The following ALX1 variants were observed in gnomAD, a reference collection of about 807,000 sequenced individuals.
The protein encoded by ALX1 is ALX homeobox 1.
Under a neutral mutation model 31.7 loss-of-function variants are expected in ALX1, and 19 were observed. That is an observed-to-expected ratio of 0.60 (90% CI 0.42 to 0.88). The LOEUF is 0.88. Among genes scored for constraint, ALX1 ranks in the 40% least tolerant of loss-of-function variants. The probability of loss-of-function intolerance (pLI) is 0.00; values close to 1 mark genes in which losing one functional copy is unlikely to be tolerated. For synonymous variants in ALX1, 153 were observed against 148.8 expected (o/e 1.03, Z -0.20); for missense variants, 415 against 407.8 (o/e 1.02, Z -0.15).
At chr12:85,286,581 A>T (rs1896749592) in intron 2 of ALX1, among the ~76,000 whole-genome samples, 1 of 151,886 alleles carries the variant, frequency 6.6e-6, no homozygotes, top group Non-Finnish European at 1.5e-5. Context: ...TGTTTTCCAT[A>T]AATGAGAAAA....
intron 1 of ALX1, 139 bp downstream of exon 1, chr12:85,280,626 G>T: frequency 1.0e-6 from 1 of 968,142 alleles, no homozygotes; most frequent in Admixed American, 2.1e-5. Flanking sequence ...GTAGTGGAAG[G>T]TGCTCGCTTT....
chr12:85,288,041 A>G (rs964318285), intron 3 of ALX1, among the ~76,000 whole-genome samples: 4 of 151,524 alleles, frequency 2.6e-5, no homozygotes, highest in African/African-American at 7.3e-5. Flanking sequence ...CTTAAAAACC[A>G]GTTTTAGAAA....
At chr12:85,294,057 A>G (rs1896853170) in intron 3 of ALX1, among the ~76,000 whole-genome samples, 1 of 151,256 alleles carries the variant, frequency 6.6e-6, no homozygotes, top group African/African-American at 2.4e-5. Context: ...GAGTAAAATC[A>G]ATAGCTTCAC....
intron 3 of ALX1, among the ~76,000 whole-genome samples, chr12:85,288,975 T>C (rs1279777515): frequency 6.6e-6 from 1 of 151,464 alleles, no homozygotes; most frequent in African/African-American, 2.4e-5. Flanking sequence ...ACTTTAGACG[T>C]AATAAAGTAA....
intron 1 of ALX1, among the ~76,000 whole-genome samples, chr12:85,282,473 A>T (rs1896688400): frequency 6.6e-6 from 1 of 152,162 alleles, no homozygotes; most frequent in South Asian, 2.1e-4. Context: ...TTAAACTTGA[A>T]TATATTTGTA....
chr12:85,293,359 T>C (rs1051365204), intron 3 of ALX1, among the ~76,000 whole-genome samples: 20 of 150,590 alleles, frequency 1.3e-4, no homozygotes, highest in Middle Eastern at 3.4e-3. Context: ...CTTTTCTTAA[T>C]TTTTATTTTG....
chr12:85,282,069 T>C (rs1174374847), intron 1 of ALX1, among the ~76,000 whole-genome samples: 1 of 152,158 alleles, frequency 6.6e-6, no homozygotes, highest in Non-Finnish European at 1.5e-5. Context: ...TGTCTTTCTC[T>C]TGAGATGCCC....
At chr12:85,283,996 G>A (rs926230997) in intron 2 of ALX1, 120 bp downstream of exon 2, 13 of 1,132,226 alleles carry the variant, frequency 1.1e-5, no homozygotes, top group Non-Finnish European at 1.4e-5. Flanking sequence ...GATGAGAAAC[G>A]GAGTAATATA....
intron 2 of ALX1, among the ~76,000 whole-genome samples, chr12:85,284,431 G>A (rs1896722866): frequency 6.6e-6 from 1 of 151,498 alleles, no homozygotes; most frequent in African/African-American, 2.4e-5. Flanking sequence ...ATCAAATAGT[G>A]CTCATTTACA....
At chr12:85,283,546 T>G (rs375148918) in intron 1 of ALX1, 26 bp from the exon 2 acceptor site, 52 of 1,611,802 alleles carry the variant, frequency 3.2e-5, no homozygotes, top group Admixed American at 2.3e-4. Flanking sequence ...TCCTGAGAAC[T>G]GTTGTTTTTC....
intron 3 of ALX1, among the ~76,000 whole-genome samples, chr12:85,296,225 A>G (rs2137391301): frequency 6.6e-6 from 1 of 151,706 alleles, no homozygotes; most frequent in Non-Finnish European, 1.5e-5. Context: ...TAAAAAATAA[A>G]TAATTTTCTA....
chr12:85,280,596 G>A (rs2137373190), intron 1 of ALX1, 109 bp downstream of exon 1: 1 of 1,223,420 alleles, frequency 8.2e-7, no homozygotes, highest in Non-Finnish European at 1.2e-6. Flanking sequence ...GGGAGCGAGG[G>A]ACCTGGAAGG....
At chr12:85,292,310 A>G (rs1565942402) in intron 3 of ALX1, among the ~76,000 whole-genome samples, 1 of 151,168 alleles carries the variant, frequency 6.6e-6, no homozygotes, top group African/African-American at 2.4e-5. Context: ...GTATATATTC[A>G]ATTCACCAGA....
intron 3 of ALX1, among the ~76,000 whole-genome samples, chr12:85,294,693 G>T (rs1187967736): frequency 6.6e-6 from 1 of 150,688 alleles, no homozygotes; most frequent in African/African-American, 2.4e-5. Flanking sequence ...TTTTAATTTT[G>T]CACTAAAAGT....
chr12:85,295,810 T>G (rs74111946), intron 3 of ALX1, among the ~76,000 whole-genome samples: 3 of 151,660 alleles, frequency 2.0e-5, no homozygotes, highest in African/African-American at 7.2e-5. Context: ...TATATATAGA[T>G]GAGAAGTAGA....
At chr12:85,287,786 A>G (rs1190466380) in intron 3 of ALX1, among the ~76,000 whole-genome samples, 1 of 151,264 alleles carries the variant, frequency 6.6e-6, no homozygotes, top group Non-Finnish European at 1.5e-5. Context: ...ATACATGATG[A>G]AAAAAAACCT....
chr12:85,285,334 G>T (rs1415191446), intron 2 of ALX1, among the ~76,000 whole-genome samples: 1 of 151,712 alleles, frequency 6.6e-6, no homozygotes, highest in Non-Finnish European at 1.5e-5. Flanking sequence ...TCATTTTAAG[G>T]AAATTGTCAA....
chr12:85,296,352 T>C (rs1490877093), intron 3 of ALX1, among the ~76,000 whole-genome samples: 1 of 151,654 alleles, frequency 6.6e-6, no homozygotes, highest in East Asian at 1.9e-4. Flanking sequence ...CCTTCCTCTC[T>C]ACTGCTTTTA....
Position 85,299,639 on chromosome 12 carries a change from A to G in ALX1, c.661-1516A>G, listed in dbSNP as rs148950669. 4.3e-3 allele frequency among the ~76,000 whole-genome samples: 653 copies of G among 151,950 alleles called. 7 individuals carry two copies. The highest frequency in any genetic ancestry group is 0.015 in the African/African-American group (621 of 41,510). On this transcript the variant is annotated intron_variant, in intron 3 of 3. Coordinates refer to ENST00000316824, the MANE Select transcript of ALX1 (RefSeq NM_006982.3). ...TCACTGAAACCCCACCTAAAGGTTG[A>G]AATTACTTATTAAGGTTTTTCTCTT...
Sources: allele counts gnomAD v4.1 joint callset (sites outside exome capture counted in the v4.1 genomes callset), GRCh38; gene constraint gnomAD v4.1.1; transcripts MANE v1.5; gene names NCBI Gene and HGNC (gene_info 2026-07-23, HGNC 2026-07-21).